Variants in SATB1 observed in about 807,000 individuals in gnomAD.
SATB1 encodes the protein DNA-binding protein SATB1.
In SATB1, 11 loss-of-function variants were observed where a neutral mutation model predicts 86.9. The observed-to-expected ratio is 0.13, with a 90% confidence interval of 0.08 to 0.21. SATB1 has a LOEUF of 0.21. Among genes scored for constraint, SATB1 ranks in the 10% least tolerant of loss-of-function variants. SATB1 has a pLI of 1.00. For synonymous variants in SATB1, 357 were observed against 357.2 expected, an observed-to-expected ratio of 1.00 and a Z score of 0.01; for missense variants, 551 against 937.6, an observed-to-expected ratio of 0.59 and a Z score of 5.39.
In SATB1 at chr3:18,378,267, T is replaced by C. The variant is rs1370421096; in HGVS notation, c.1478A>G (p.Asn493Ser). Residue 493 changes from asparagine (N) to serine (S), a missense_variant, in exon 9 of 11, where the codon AAC becomes AGC. Coordinates refer to ENST00000338745, the MANE Select transcript of SATB1 (RefSeq NM_002971.6). Reference sequence around the variant, plus strand: ...CTCATCATAAATGGAAGCATTAATGTTCATGGTATTGTTCTCTGGTTTCCC... The same window carrying C: ...CTCATCATAAATGGAAGCATTAATGCTCATGGTATTGTTCTCTGGTTTCCC... ...RNGKPENNTMNINASIYDEIQ... is the reference protein window; with the variant it reads ...RNGKPENNTMSINASIYDEIQ... 4 of 1,611,334 alleles carry C rather than the reference T, an allele frequency of 2.5e-6. No homozygotes were observed. Among genetic ancestry groups the C allele is most frequent in the Non-Finnish European group, 3.4e-6 (4 of 1,178,664 alleles).
Position 18,348,870 on chromosome 3 carries a change from A to C in SATB1, c.*300T>G. ...GCTCCGGAATAAGAACTAAAAAAAA[A>C]ACAAAAAACACTGGTTTCATGCTTA... On this transcript the variant is annotated 3_prime_UTR_variant, in exon 11 of 11. Coordinates refer to ENST00000338745, the MANE Select transcript of SATB1 (RefSeq NM_002971.6). 1 of 338,468 alleles carries C rather than the reference A, an allele frequency of 3.0e-6. No individual in the cohort carries two copies. Among genetic ancestry groups the C allele is most frequent in the East Asian group, 6.0e-5 (1 of 16,690 alleles). 21.0% of individuals were successfully genotyped at this position (338,468 alleles called of 1,614,324 possible).
Position 18,348,260 on chromosome 3 carries a change from T to C in SATB1, c.*910A>G, listed in dbSNP as rs1211371395. 3 of 152,630 alleles carry C rather than the reference T, an allele frequency of 2.0e-5. No individual in the cohort carries two copies. The highest frequency in any genetic ancestry group is 6.5e-5 in the Admixed American group (1 of 15,288). The allele number at this position is 152,630 out of a possible 1,614,324, so 9.5% of individuals were successfully genotyped here. On this transcript the variant is annotated 3_prime_UTR_variant, in exon 11 of 11. Transcript: ENST00000338745. ...TATTTGCATGATAGTAAAAATTGCA[T>C]ACAACAATAAGAGTGAAGCTTATAG...
At chr3:18,395,906 G>C (rs1189610781) in intron 6 of SATB1, among the ~76,000 whole-genome samples, 1 of 152,228 alleles carries the variant, frequency 6.6e-6, no homozygotes, top group East Asian at 1.9e-4. Context: ...GCATGAAGCT[G>C]TACATAAACA....
chr3:18,418,990 T>G (rs1018041032), intron 2 of SATB1, among the ~76,000 whole-genome samples: 1 of 152,190 alleles, frequency 6.6e-6, no homozygotes, highest in African/African-American at 2.4e-5. Flanking sequence ...ACAACAAAAA[T>G]GTACACATTC....
At position 18,352,721 on chromosome 3, in the gene SATB1, G is replaced by A. The variant is rs980026177; in HGVS notation, c.1576-526C>T. On this transcript the variant is annotated intron_variant, in intron 9 of 10. Transcript: ENST00000338745. This position sits in a 1 kb window ranked among gnomAD's most constrained non-coding sequence, Gnocchi z 4.1. ...CAGGTGCAATTACACCAGCAAGAAT[G>A]TTTTCCAGTATAAGGCATAATGATT... 15 of 156,864 alleles carry A rather than the reference G, an allele frequency of 9.6e-5. No individual in the cohort carries two copies. Among genetic ancestry groups the A allele is most frequent in the African/African-American group, 3.4e-4 (14 of 41,458 alleles). 9.7% of individuals were successfully genotyped at this position (156,864 alleles called of 1,614,324 possible).
chr3:18,415,078 G>A (rs1214052128), intron 5 of SATB1, 33 bp downstream of exon 5: 2 of 1,610,540 alleles, frequency 1.2e-6, no homozygotes, highest in Admixed American at 1.7e-5. Flanking sequence ...TGCCCATGAT[G>A]TCTTATTATT....
intron 2 of SATB1, among the ~76,000 whole-genome samples, chr3:18,431,609 C>T (rs1328602866): frequency 1.3e-5 from 2 of 152,144 alleles, no homozygotes; most frequent in African/African-American, 4.8e-5. Flanking sequence ...TCATATACAG[C>T]CAGGTTTGGC....
chr3:18,351,205 A>T, intron 10 of SATB1: 6 of 862,212 alleles, frequency 7.0e-6, no homozygotes, highest in Non-Finnish European at 9.3e-6. Context: ...GCCCAAGACC[A>T]TGGTTAGTAG....
rs1023047654 is a variant in SATB1 at position 18,394,186 on chromosome 3, A to G, written c.1206+276T>C. Among the ~76,000 whole-genome samples the G allele has an allele frequency of 1.3e-5, 2 of 152,266 alleles. No individual in the cohort carries two copies. The highest frequency in any genetic ancestry group is 2.9e-5 in the Non-Finnish European group (2 of 68,042). ...GCTTATGATTCCATTATATAAAAGC[A>G]TAAGTAATGCCAGTTTAAAGTACGT... On this transcript the variant is annotated intron_variant, in intron 7 of 10. Coordinates refer to ENST00000338745, the MANE Select transcript of SATB1 (RefSeq NM_002971.6). This position sits in a 1 kb window ranked among gnomAD's most constrained non-coding sequence, Gnocchi z 5.9.
chr3:18,362,881 A>AAC (rs373536891), intron 9 of SATB1, among the ~76,000 whole-genome samples: 5,328 of 107,166 alleles, frequency 0.05, 522 homozygotes, highest in African/African-American at 0.13. Flanking sequence ...AAAAAAAAAA[A>AAC]CCAAAACCCC....
rs185362205 is a variant in SATB1 at position 18,412,636 on chromosome 3, T to C, written c.639+2475A>G. Among the ~76,000 whole-genome samples, 36 of 152,232 alleles carry C rather than the reference T, an allele frequency of 2.4e-4. 1 individual carries two copies. The East Asian group carries it at 6.8e-3, about 29-fold the overall frequency. ...GCATTTCTTGGTGTTAGGTCCCATT[T>C]TGCTCAAGACTGAGGCCATATTTAT... On this transcript the variant is annotated intron_variant, in intron 5 of 10. Transcript: ENST00000338745.
intron 5 of SATB1, among the ~76,000 whole-genome samples, chr3:18,407,443 C>A (rs1282977499): frequency 1.3e-5 from 2 of 151,988 alleles, no homozygotes; most frequent in African/African-American, 4.8e-5. Flanking sequence ...GACCATGTGG[C>A]ATGCACAAGT....
intron 7 of SATB1, among the ~76,000 whole-genome samples, chr3:18,393,738 A>G (rs895498202): frequency 6.6e-6 from 1 of 152,216 alleles, no homozygotes; most frequent in Admixed American, 6.5e-5. Context: ...ATTCATTTAT[A>G]GTCTATGGCT....
intron 5 of SATB1, among the ~76,000 whole-genome samples, chr3:18,400,972 A>G (rs1412139997): frequency 6.6e-6 from 1 of 152,238 alleles, no homozygotes; most frequent in Non-Finnish European, 1.5e-5. Context: ...GGTAGAAAGC[A>G]TCAAGAAGGC....
chr3:18,380,574 T>C (rs1270782486), intron 8 of SATB1, among the ~76,000 whole-genome samples: 10 of 152,048 alleles, frequency 6.6e-5, no homozygotes, highest in Non-Finnish European at 1.3e-4. Flanking sequence ...AAAAAAAGAA[T>C]GTGAGGGTGA....
intron 5 of SATB1, among the ~76,000 whole-genome samples, chr3:18,399,884 GCTCCTATAGC>G (rs1559435934): frequency 6.6e-6 from 1 of 151,978 alleles, no homozygotes. Flanking sequence ...CAATTAGATT[GCTCCTATAGC>G]CACTTCATGA....
intron 9 of SATB1, among the ~76,000 whole-genome samples, chr3:18,365,122 C>T (rs184780597): frequency 2.0e-5 from 3 of 152,276 alleles, no homozygotes; most frequent in African/African-American, 4.8e-5. Flanking sequence ...GATGGTTCTA[C>T]AGCTTACAAT....
chr3:18,414,450 T>G (rs1400570867), intron 5 of SATB1, among the ~76,000 whole-genome samples: 1 of 151,884 alleles, frequency 6.6e-6, no homozygotes, highest in Non-Finnish European at 1.5e-5. Context: ...GGAAAATCAT[T>G]AAAAAAATCT....
chr3:18,384,640 C>T (rs1018663855), intron 8 of SATB1, among the ~76,000 whole-genome samples: 10 of 152,090 alleles, frequency 6.6e-5, no homozygotes, highest in African/African-American at 2.4e-4. Context: ...CTAAACACTA[C>T]AGAAAAAGTA....
Sources: allele counts gnomAD v4.1 joint callset (sites outside exome capture counted in the v4.1 genomes callset), GRCh38; gene constraint gnomAD v4.1.1; non-coding constraint Gnocchi (gnomAD v3.1); transcripts MANE v1.5; gene names NCBI Gene and HGNC (gene_info 2026-07-23, HGNC 2026-07-21).